ZBTB20: variants seen among roughly 807,000 people sequenced by gnomAD.
ZBTB20 encodes zinc finger and BTB domain containing 20.
A neutral mutation model predicts 56.9 loss-of-function variants in ZBTB20; 9 were observed. The ratio of observed to expected loss-of-function variants is 0.16; its 90% CI spans 0.10 to 0.28. The LOEUF is 0.28. Ranked by LOEUF, ZBTB20 falls within the 10% of genes least tolerant of loss-of-function variation. ZBTB20 has a pLI of 1.00. For missense variants in ZBTB20, 655 were observed against 1,003.0 expected (o/e 0.65, Z 4.69); for synonymous variants, 417 against 420.7 (o/e 0.99, Z 0.11).
At chr3:114,858,158 G>C (rs998429991) in intron 4 of ZBTB20, among the ~76,000 whole-genome samples, 1 of 152,024 alleles carries the variant, frequency 6.6e-6, no homozygotes, top group Non-Finnish European at 1.5e-5. Flanking sequence ...AATTATATTA[G>C]GCATTTTTCA....
Position 114,339,284 on chromosome 3 carries a change from G to A in ZBTB20, c.1947C>T (p.Leu649=). 1 of 1,614,226 alleles carries A rather than the reference G, an allele frequency of 6.2e-7. No homozygotes were observed. Among genetic ancestry groups the A allele is most frequent in the Non-Finnish European group, 8.5e-7 (1 of 1,180,048 alleles). ...CCCGGTGGAGGCGCATGTGCACGTTGAGGGAGCTCTTCTGGGTGAAGCGCT... is the reference window on the plus strand; with the variant it reads ...CCCGGTGGAGGCGCATGTGCACGTTAAGGGAGCTCTTCTGGGTGAAGCGCT... ...CNKRFTQKSS[L]NVHMRLHRGE... is the part of the protein sequence containing the mutation. Residue 649 remains leucine (L), a synonymous_variant, in exon 12 of 12, where the codon CTC becomes CTT. Coordinates refer to ENST00000675478, the MANE Select transcript of ZBTB20 (RefSeq NM_001348800.3). This position sits in a 1 kb window ranked among gnomAD's most constrained non-coding sequence, Gnocchi z 4.2.
chr3:115,103,960 A>C (rs2083651627), intron 1 of ZBTB20, among the ~76,000 whole-genome samples: 1 of 152,216 alleles, frequency 6.6e-6, no homozygotes, highest in South Asian at 2.1e-4. Context: ...CTCATAAAGG[A>C]CTGTTATCTA....
chr3:114,437,821 C>T (rs928690532), intron 7 of ZBTB20, among the ~76,000 whole-genome samples: 5 of 152,088 alleles, frequency 3.3e-5, no homozygotes, highest in African/African-American at 1.2e-4. Flanking sequence ...GTCGAACACC[C>T]CTTGAGTTAT....
chr3:114,484,593 C>T (rs1057276112), intron 7 of ZBTB20, among the ~76,000 whole-genome samples: 1 of 152,168 alleles, frequency 6.6e-6, no homozygotes, highest in Non-Finnish European at 1.5e-5. Context: ...TCTGCAACTG[C>T]AAGAGCCAAA....
intron 6 of ZBTB20, among the ~76,000 whole-genome samples, chr3:114,506,479 G>A (rs1429664971): frequency 6.6e-6 from 1 of 152,062 alleles, no homozygotes; most frequent in Non-Finnish European, 1.5e-5. Flanking sequence ...GGGAGGGGTG[G>A]CAAGGACCGA....
intron 5 of ZBTB20, among the ~76,000 whole-genome samples, chr3:114,711,273 C>T: frequency 6.6e-6 from 1 of 152,042 alleles, no homozygotes; most frequent in East Asian, 1.9e-4. Context: ...TGTTTAATTT[C>T]TCACTATATT....
At chr3:115,092,668 G>C (rs2083241031) in intron 1 of ZBTB20, among the ~76,000 whole-genome samples, 1 of 152,082 alleles carries the variant, frequency 6.6e-6, no homozygotes, top group African/African-American at 2.4e-5. Flanking sequence ...CTAGTGGCCA[G>C]TGGAGAGGAG....
rs1280103707 is a variant in ZBTB20 at position 114,572,944 on chromosome 3, T to C, written c.-294-72553A>G. On this transcript the variant is annotated intron_variant, in intron 6 of 11. Coordinates refer to ENST00000675478, the MANE Select transcript of ZBTB20 (RefSeq NM_001348800.3). ...TTATTCCACCCAATAAAAGTGGTTC[T>C]TCCTTGACATACTGTGTCCTTTATT... 7.9e-5 allele frequency among the ~76,000 whole-genome samples: 12 copies of C among 152,246 alleles called. 1 individual carries two copies. The highest frequency in any genetic ancestry group is 7.9e-4 in the Admixed American group (12 of 15,286).
intron 5 of ZBTB20, among the ~76,000 whole-genome samples, chr3:114,700,180 C>T (rs555648440): frequency 6.6e-6 from 1 of 152,092 alleles, no homozygotes; most frequent in East Asian, 1.9e-4. Flanking sequence ...GTGTCTAGTT[C>T]ATATATGGCC....
At chr3:114,528,884 GATGTTGAAAGCTAAC>G (rs1266461096) in intron 6 of ZBTB20, 2 of 152,150 alleles carry the variant, frequency 1.3e-5, no homozygotes. Context: ...TTAAGAAGCT[GATGTTGAAAGCTAAC>G]ATGTCCCTAC....
chr3:114,580,059 T>C (rs2054487885), intron 6 of ZBTB20, among the ~76,000 whole-genome samples: 2 of 151,818 alleles, frequency 1.3e-5, no homozygotes, highest in African/African-American at 2.4e-5. Flanking sequence ...AGCAAAACTC[T>C]ATAGTAACAG....
At chr3:114,440,500 C>T (rs2090840965) in intron 7 of ZBTB20, among the ~76,000 whole-genome samples, 1 of 152,096 alleles carries the variant, frequency 6.6e-6, no homozygotes, top group South Asian at 2.1e-4. Flanking sequence ...TTACTTTCTT[C>T]TTCTCTCTGC....
At chr3:114,921,049 G>T (rs758506344) in intron 3 of ZBTB20, among the ~76,000 whole-genome samples, 3 of 151,992 alleles carry the variant, frequency 2.0e-5, no homozygotes, top group African/African-American at 7.3e-5. Context: ...AATAAAATTC[G>T]GAACAGATTA....
chr3:114,630,557 A>G (rs2107827238), intron 6 of ZBTB20, among the ~76,000 whole-genome samples: 1 of 152,288 alleles, frequency 6.6e-6, no homozygotes, highest in African/African-American at 2.4e-5. Flanking sequence ...GCTGCTGGGT[A>G]CCAGGTTAGC....
intron 4 of ZBTB20, among the ~76,000 whole-genome samples, chr3:114,825,068 A>G (rs1250573555): frequency 2.0e-5 from 3 of 151,926 alleles, no homozygotes; most frequent in African/African-American, 7.2e-5. Context: ...ACTGAGATTC[A>G]AGTTGGCTCC....
chr3:114,978,707 A>C (rs2078208579), intron 2 of ZBTB20, among the ~76,000 whole-genome samples: 1 of 151,604 alleles, frequency 6.6e-6, no homozygotes, highest in South Asian at 2.1e-4. Context: ...CATTAGAAAA[A>C]GTATGTATGT....
chr3:114,378,276 T>C (rs564587229), intron 10 of ZBTB20, among the ~76,000 whole-genome samples: 2 of 152,310 alleles, frequency 1.3e-5, no homozygotes, highest in South Asian at 4.1e-4. Context: ...ACAATCCAAA[T>C]ATATTTGGAG....
At chr3:115,070,417 G>A (rs1017024585) in intron 2 of ZBTB20, among the ~76,000 whole-genome samples, 1 of 152,122 alleles carries the variant, frequency 6.6e-6, no homozygotes, top group African/African-American at 2.4e-5. Flanking sequence ...ACAAATGACT[G>A]TAGATAAGCA....
At chr3:114,492,646 A>T (rs995729672) in intron 7 of ZBTB20, among the ~76,000 whole-genome samples, 27 of 152,092 alleles carry the variant, frequency 1.8e-4, no homozygotes, top group African/African-American at 6.5e-4. Flanking sequence ...TCCATTTTTG[A>T]TCCTTCCAAA....
Sources: allele counts gnomAD v4.1 joint callset (sites outside exome capture counted in the v4.1 genomes callset), GRCh38; gene constraint gnomAD v4.1.1; non-coding constraint Gnocchi (gnomAD v3.1); transcripts MANE v1.5; gene names NCBI Gene and HGNC (gene_info 2026-07-23, HGNC 2026-07-21).